The following SLIT1 variants were observed in gnomAD, a reference collection of about 807,000 sequenced individuals.
SLIT1 encodes the protein slit guidance ligand 1.
A neutral mutation model predicts 186.1 loss-of-function variants in SLIT1; 66 were observed. The ratio of observed to expected loss-of-function variants is 0.35; its 90% confidence interval spans 0.29 to 0.44. The LOEUF (loss-of-function observed/expected upper bound fraction) is 0.44, where lower values mean the gene tolerates loss of function less well. SLIT1 is among the 20% of genes least tolerant of loss of function. The pLI is 1.00. For missense variants in SLIT1, 1,638 were observed against 2,037.4 expected (o/e 0.80, Z 3.77); for synonymous variants, 761 against 833.8 (o/e 0.91, Z 1.50).
chr10:97,040,539 T>C, intron 20 of SLIT1, among the ~76,000 whole-genome samples: 1 of 152,056 alleles, frequency 6.6e-6, no homozygotes, highest in Non-Finnish European at 1.5e-5. Context: ...TTTTCTCCTC[T>C]TTTTTTCACT....
At chr10:97,159,745 G>A (rs1376467072) in intron 3 of SLIT1, among the ~76,000 whole-genome samples, 2 of 152,170 alleles carry the variant, frequency 1.3e-5, no homozygotes, top group Non-Finnish European at 2.9e-5. Flanking sequence ...TGAGCTCATC[G>A]CGGGCGGGAA....
intron 4 of SLIT1, among the ~76,000 whole-genome samples, chr10:97,128,130 T>C (rs542679507): frequency 6.6e-6 from 1 of 151,862 alleles, no homozygotes; most frequent in African/African-American, 2.4e-5. Context: ...CCTCTGCCTC[T>C]TGTAAGTGAG....
chr10:97,059,695 G>A (rs568447672), intron 10 of SLIT1, 164 bp from the exon 11 acceptor site: 64 of 662,498 alleles, frequency 9.7e-5, no homozygotes, highest in Admixed American at 2.8e-4. Context: ...GCCCATGGCC[G>A]CTATTTCCCT....
At chr10:97,063,341 C>T (rs1412349978) in intron 8 of SLIT1, 114 bp downstream of exon 8, 5 of 1,129,090 alleles carry the variant, frequency 4.4e-6, no homozygotes, top group East Asian at 4.8e-5. Flanking sequence ...AGGTGATGGG[C>T]GGGGTCAGGA....
At chr10:97,097,052 G>A (rs1418716503) in intron 4 of SLIT1, among the ~76,000 whole-genome samples, 2 of 152,168 alleles carry the variant, frequency 1.3e-5, no homozygotes, top group Non-Finnish European at 2.9e-5. Flanking sequence ...AGAGTGCACA[G>A]CGCCTGGCAC....
chr10:97,002,018 A>G, intron 36 of SLIT1, 140 bp downstream of exon 36: 1 of 500,472 alleles, frequency 2.0e-6, no homozygotes, highest in Non-Finnish European at 3.4e-6. Flanking sequence ...GGGTGGAGGG[A>G]CTCTGAAAGC....
chr10:97,141,676 C>CGTATT (rs1025560715), intron 4 of SLIT1, among the ~76,000 whole-genome samples: 2 of 140,240 alleles, frequency 1.4e-5, no homozygotes, highest in East Asian at 2.1e-4. Context: ...TGCATTGTAT[C>CGTATT]GTATTGTATC....
intron 13 of SLIT1, among the ~76,000 whole-genome samples, chr10:97,055,107 C>T (rs1451012445): frequency 6.6e-6 from 1 of 152,112 alleles, no homozygotes. Flanking sequence ...ATCCCAGCTA[C>T]TTCAGAGGCT....
intron 4 of SLIT1, among the ~76,000 whole-genome samples, chr10:97,098,766 C>T (rs539284804): frequency 1.2e-4 from 19 of 152,294 alleles, no homozygotes; most frequent in East Asian, 3.9e-4. Context: ...GAGTCCCTCA[C>T]GAGGCCACAA....
chr10:97,181,066 G>A (rs1165496272), intron 1 of SLIT1, among the ~76,000 whole-genome samples: 6 of 152,164 alleles, frequency 3.9e-5, no homozygotes, highest in African/African-American at 9.7e-5. Flanking sequence ...AGCTGTCGTC[G>A]TCCCGTTTTA....
intron 4 of SLIT1, among the ~76,000 whole-genome samples, chr10:97,071,417 C>T (rs1245323574): frequency 6.6e-6 from 1 of 152,204 alleles, no homozygotes; most frequent in Non-Finnish European, 1.5e-5. Context: ...GAACGCTGGG[C>T]CGGCACTCAC....
intron 1 of SLIT1, among the ~76,000 whole-genome samples, chr10:97,178,452 AAAAC>A (rs1455628032): frequency 1.3e-5 from 2 of 152,230 alleles, no homozygotes; most frequent in Non-Finnish European, 1.5e-5. Context: ...CAGGTCAAGG[AAAAC>A]AAAGAAAGGC....
chr10:97,046,220 T>TG (rs1491569225), intron 18 of SLIT1, among the ~76,000 whole-genome samples: 1 of 152,172 alleles, frequency 6.6e-6, no homozygotes, highest in Non-Finnish European at 1.5e-5. Context: ...CAGGCTGGGC[T>TG]GTGGGTTATG....
At chr10:97,160,636 G>A (rs17502279) in intron 3 of SLIT1, among the ~76,000 whole-genome samples, 7,408 of 151,892 alleles carry the variant, frequency 0.049, 221 homozygotes, top group South Asian at 0.13. Context: ...AAAAAAAAGA[G>A]GAGGGGTCAG....
chr10:97,031,600 A>G lies in SLIT1; in HGVS notation c.2510+6T>C. 6.5e-7 allele frequency: 1 copy of G among 1,550,006 alleles called. No individual in the cohort carries two copies. Among genetic ancestry groups the G allele is most frequent in the Non-Finnish European group, 8.7e-7 (1 of 1,145,708 alleles). ...TTCTGGCAGGATGGTGAGTGAGGAG[A>G]CTTACAGCAGGCGCAGGGAGCGGAG... On this transcript the variant is annotated splice_donor_region_variant and intron_variant, in intron 24 of 36. Transcript: ENST00000266058.
At chr10:97,055,000 G>A (rs1315423117) in intron 13 of SLIT1, among the ~76,000 whole-genome samples, 10 of 152,096 alleles carry the variant, frequency 6.6e-5, no homozygotes, top group Non-Finnish European at 1.2e-4. Context: ...GGTGGATCAC[G>A]AGGTCAGGAG....
chr10:97,013,755 G>A lies in SLIT1; in HGVS notation c.3189C>T (p.Thr1063=), dbSNP rs755705030. The A allele has an allele frequency of 6.4e-7, 1 of 1,551,280 alleles. No homozygotes were observed. Among genetic ancestry groups the A allele is most frequent in the South Asian group, 1.2e-5 (1 of 84,052 alleles). The change falls in exon 30 of 37, where the codon ACC becomes ACT. Residue 1063 remains threonine, a synonymous_variant. Transcript: ENST00000266058. ...GCAACACTCACCTGGGCCCATCCGG[G>A]GTGCCCACACACTGGGCCTCGTGTT... ...PCQHEAQCVG[T]PDGPRCECMP... is the part of the protein sequence containing the mutation.
rs1465816347 is a variant in SLIT1 at position 97,141,582 on chromosome 10, G to A, written c.413+16236C>T. Among the ~76,000 whole-genome samples, 4 of 152,174 alleles carry A rather than the reference G, an allele frequency of 2.6e-5. No homozygotes were observed. The South Asian group carries it at 8.3e-4, about 32-fold the overall frequency. On this transcript the variant is annotated intron_variant, in intron 4 of 36. Transcript: ENST00000266058. ...AACAGGACTGCCCTCCCCTGGAGAG[G>A]ACACATTGCCTCTATTAATTCAAAC...
chr10:97,139,795 A>G (rs892115820), intron 4 of SLIT1, among the ~76,000 whole-genome samples: 2 of 152,168 alleles, frequency 1.3e-5, no homozygotes, highest in African/African-American at 2.4e-5. Context: ...AGGGCACTGC[A>G]TGTCAGTGTG....
Sources: gnomAD v4.1 joint callset for allele counts (sites outside exome capture counted in the v4.1 genomes callset) on GRCh38, gnomAD v4.1.1 for gene constraint, MANE v1.5 for transcripts, NCBI Gene and HGNC (gene_info 2026-07-23, HGNC 2026-07-21) for gene names.